Variants in DPP6 observed in about 807,000 individuals in gnomAD.
The protein encoded by DPP6 is dipeptidyl peptidase like 6.
A neutral mutation model predicts 122.6 loss-of-function variants in DPP6; 69 were observed. The ratio of observed to expected loss-of-function variants is 0.56; its 90% CI spans 0.46 to 0.69. The LOEUF is 0.69. Among genes scored for constraint, DPP6 ranks in the 30% least tolerant of loss-of-function variants. The pLI, the probability that DPP6 is intolerant of heterozygous loss-of-function variation, is 0.00. For missense variants in DPP6, 928 were observed against 1,116.9 expected (o/e 0.83, Z 2.41); for synonymous variants, 418 against 433.1 (o/e 0.97, Z 0.43).
chr7:154,686,060 T>C (rs1275749447), intron 7 of DPP6, among the ~76,000 whole-genome samples: 2 of 151,484 alleles, frequency 1.3e-5, no homozygotes, highest in Non-Finnish European at 2.9e-5. Flanking sequence ...AGCGGCCTTT[T>C]AGATAGGGCT....
intron 3 of DPP6, among the ~76,000 whole-genome samples, chr7:154,531,813 T>A (rs984630349): frequency 6.6e-6 from 1 of 152,132 alleles, no homozygotes; most frequent in Non-Finnish European, 1.5e-5. Flanking sequence ...CTATAGTTAA[T>A]AAGAAGTGGT....
At chr7:154,803,412 G>C (rs1300351108) in intron 13 of DPP6, among the ~76,000 whole-genome samples, 1 of 152,202 alleles carries the variant, frequency 6.6e-6, no homozygotes, top group Non-Finnish European at 1.5e-5. Flanking sequence ...GCAGCAGGGA[G>C]CGCCCTTTCT....
At chr7:154,536,157 C>A (rs1828234651) in intron 3 of DPP6, among the ~76,000 whole-genome samples, 1 of 152,084 alleles carries the variant, frequency 6.6e-6, no homozygotes, top group Non-Finnish European at 1.5e-5. Flanking sequence ...GGATAAATCT[C>A]AAGATCATTA....
intron 1 of DPP6, among the ~76,000 whole-genome samples, chr7:154,120,997 T>C (rs1807412090): frequency 6.6e-6 from 1 of 152,124 alleles, no homozygotes; most frequent in Admixed American, 6.5e-5. Flanking sequence ...CCCCATGCTG[T>C]TCTTGTGGCA....
chr7:154,668,204 T>C (rs1021879505), intron 6 of DPP6, among the ~76,000 whole-genome samples: 3 of 96,064 alleles, frequency 3.1e-5, no homozygotes. Flanking sequence ...ATTTTATATA[T>C]ATATATATAT....
At chr7:154,635,637 G>A (rs1835686108) in intron 5 of DPP6, among the ~76,000 whole-genome samples, 3 of 152,194 alleles carry the variant, frequency 2.0e-5, no homozygotes, top group African/African-American at 7.2e-5. Context: ...TGTGGGTCAG[G>A]AACTCGAGAA....
At position 154,673,494 on chromosome 7, in the gene DPP6, T is replaced by C. The variant is rs1180722314; in HGVS notation, c.762+4053T>C. On this transcript the variant is annotated intron_variant, in intron 7 of 25. Transcript: ENST00000377770. ...AGAACATTTCTCCGGTAGTAATGAC[T>C]GCAGGGGGAGTGGCCTGTGTGTTGT... 2.6e-5 allele frequency among the ~76,000 whole-genome samples: 4 copies of C among 152,160 alleles called. No homozygotes were observed. In the East Asian group the frequency reaches 7.7e-4, roughly 29 times the overall value.
chr7:154,055,090 C>CTT (rs374982845), intron 1 of DPP6, among the ~76,000 whole-genome samples: 59,894 of 127,948 alleles, frequency 0.47, 14,488 homozygotes, highest in South Asian at 0.6. Flanking sequence ...TCCTGACATG[C>CTT]TTTTTTTTTT....
intron 1 of DPP6, among the ~76,000 whole-genome samples, chr7:154,089,141 T>C (rs1804634543): frequency 1.3e-5 from 2 of 152,176 alleles, no homozygotes; most frequent in African/African-American, 4.8e-5. Context: ...TTCTCAAGAG[T>C]GACTCACAAC....
intron 1 of DPP6, among the ~76,000 whole-genome samples, chr7:154,253,848 CA>C (rs1357697052): frequency 6.6e-6 from 1 of 152,142 alleles, no homozygotes; most frequent in African/African-American, 2.4e-5. Flanking sequence ...GAAGCATGGC[CA>C]GGGGGCCTTA....
intron 1 of DPP6, among the ~76,000 whole-genome samples, chr7:153,989,227 G>C (rs1797015155): frequency 7.5e-6 from 1 of 133,450 alleles, no homozygotes; most frequent in African/African-American, 2.7e-5. Context: ...GAGAAAGTGT[G>C]AGCGTGTCAC....
chr7:154,162,420 A>G (rs1246440902), intron 1 of DPP6, among the ~76,000 whole-genome samples: 1 of 152,250 alleles, frequency 6.6e-6, no homozygotes, highest in Admixed American at 6.5e-5. Context: ...TAAGGGTTAC[A>G]AAAGGAGTTA....
intron 16 of DPP6, among the ~76,000 whole-genome samples, chr7:154,823,364 T>C (rs1799926552): frequency 9.5e-6 from 1 of 105,366 alleles, no homozygotes; most frequent in African/African-American, 2.6e-5. Context: ...AGCAAGATCC[T>C]AACTGTAAAA....
intron 3 of DPP6, among the ~76,000 whole-genome samples, chr7:154,507,666 G>A (rs963167861): frequency 6.6e-6 from 1 of 152,166 alleles, no homozygotes; most frequent in African/African-American, 2.4e-5. Context: ...GGACTGGAGA[G>A]GGTTTGATGT....
intron 1 of DPP6, among the ~76,000 whole-genome samples, chr7:154,085,225 CT>C (rs1475098953): frequency 1.3e-5 from 2 of 152,166 alleles, no homozygotes; most frequent in African/African-American, 2.4e-5. Flanking sequence ...CTGGAATGTC[CT>C]TTTATCTTTC....
intron 7 of DPP6, among the ~76,000 whole-genome samples, chr7:154,695,063 G>A (rs1050920610): frequency 6.6e-6 from 1 of 152,196 alleles, no homozygotes; most frequent in Non-Finnish European, 1.5e-5. Context: ...AATAGACCCC[G>A]TGGGTGGGTC....
intron 7 of DPP6, among the ~76,000 whole-genome samples, chr7:154,699,659 G>A (rs1840405093): frequency 6.6e-6 from 1 of 152,202 alleles, no homozygotes. Context: ...CAGTATGTCT[G>A]GGGTGGGGCC....
At chr7:153,949,372 T>C (rs1262750512) in intron 1 of DPP6, among the ~76,000 whole-genome samples, 1 of 152,200 alleles carries the variant, frequency 6.6e-6, no homozygotes, top group Non-Finnish European at 1.5e-5. Flanking sequence ...TGCAGCTCAA[T>C]CCATTTCTTT....
intron 8 of DPP6, among the ~76,000 whole-genome samples, chr7:154,748,359 T>G (rs1843135412): frequency 6.6e-6 from 1 of 152,186 alleles, no homozygotes; most frequent in Non-Finnish European, 1.5e-5. Flanking sequence ...GACAAAGAGC[T>G]CAGATCGGGG....
Sources: allele counts gnomAD v4.1 joint callset (sites outside exome capture counted in the v4.1 genomes callset), GRCh38; gene constraint gnomAD v4.1.1; transcripts MANE v1.5; gene names NCBI Gene and HGNC (gene_info 2026-07-23, HGNC 2026-07-21).